The following GRM5 variants were observed in gnomAD, a reference collection of about 807,000 sequenced individuals.
GRM5 encodes the protein glutamate metabotropic receptor 5.
Under a neutral mutation model 83.1 loss-of-function variants are expected in GRM5, and 19 were observed. That is an observed-to-expected ratio of 0.23 (90% CI 0.16 to 0.34). GRM5 has a LOEUF of 0.34. GRM5 is among the 10% of genes least tolerant of loss of function. The pLI, the probability that GRM5 is intolerant of heterozygous loss-of-function variation, is 1.00. For synonymous variants in GRM5, 675 were observed against 633.6 expected, an observed-to-expected ratio of 1.07 and a Z score of -0.98; for missense variants, 1,160 against 1,588.3, an observed-to-expected ratio of 0.73 and a Z score of 4.58.
rs568242141 is a variant in GRM5 at position 88,908,224 on chromosome 11, C to T, written c.662-58069G>A. ...TTGTCAACTTTGTCCATCTTGCAAA[C>T]CTACTCTCCCCTGTCTTCTACCTAG... On this transcript the variant is annotated intron_variant, in intron 2 of 9. Transcript: ENST00000305447. Among the ~76,000 whole-genome samples the T allele has an allele frequency of 5.0e-4, 76 of 152,162 alleles. 2 individuals carry two copies. In the Middle Eastern group the frequency reaches 0.01, roughly 20 times the overall value.
rs1205990066 is a variant in GRM5 at position 88,849,927 on chromosome 11, C to T, written c.890G>A (p.Gly297Glu). Residue 297 changes from glycine to glutamate, a missense_variant, in exon 3 of 10, where the codon GGA (glycine) becomes GAA (glutamate). Physicochemically the swap from Gly to Glu is moderately conservative, Grantham distance 98 (BLOSUM62 -2). Coordinates refer to ENST00000305447, the MANE Select transcript of GRM5 (RefSeq NM_001143831.3). ...TCACCTGCCCAGAAGCAGAAATTCT[C>T]CCGCTAGACCCAGGCGCCTCATGGC... ...LMAMRRLGLAGEFLLLGSDGW... is the reference protein window; with the variant it reads ...LMAMRRLGLAEEFLLLGSDGW... The T allele has an allele frequency of 2.5e-6, 4 of 1,614,114 alleles. No homozygotes were observed. The highest frequency in any genetic ancestry group is 3.4e-6 in the Non-Finnish European group (4 of 1,179,980).
chr11:88,845,457 A>G (rs1944285986), intron 3 of GRM5, among the ~76,000 whole-genome samples: 2 of 64,846 alleles, frequency 3.1e-5, no homozygotes, highest in South Asian at 1.9e-3. Flanking sequence ...TTTTTGAGAC[A>G]GAGTCTCGCT....
chr11:88,593,356 ATAT>A (rs1320129348), intron 6 of GRM5, among the ~76,000 whole-genome samples: 2 of 152,022 alleles, frequency 1.3e-5, no homozygotes, highest in Admixed American at 6.6e-5. Flanking sequence ...GACTAAGCAA[ATAT>A]TATTACAAAA....
intron 7 of GRM5, among the ~76,000 whole-genome samples, chr11:88,586,985 T>C (rs1943328376): frequency 6.6e-6 from 1 of 152,214 alleles, no homozygotes; most frequent in African/African-American, 2.4e-5. Flanking sequence ...TGTAACACTC[T>C]CCATCATTTT....
chr11:88,701,763 G>A lies in GRM5; in HGVS notation c.912-48360C>T, dbSNP rs1941041761. On this transcript the variant is annotated intron_variant, in intron 3 of 9. Coordinates refer to ENST00000305447, the MANE Select transcript of GRM5 (RefSeq NM_001143831.3). ...AAATGCGTTCTTTAATTTGCAATTAGTTACAGGAGTAAAACTTTTCTAAAA... is the reference window on the plus strand; with the variant it reads ...AAATGCGTTCTTTAATTTGCAATTAATTACAGGAGTAAAACTTTTCTAAAA... Among the ~76,000 whole-genome samples the A allele has an allele frequency of 2.0e-5, 3 of 152,112 alleles. No homozygotes were observed. In the South Asian group the frequency reaches 6.2e-4, roughly 32 times the overall value.
chr11:88,733,461 C>T (rs1324113388), intron 3 of GRM5, among the ~76,000 whole-genome samples: 3 of 151,840 alleles, frequency 2.0e-5, no homozygotes, highest in Non-Finnish European at 4.4e-5. Flanking sequence ...GGGATGGAAC[C>T]CACGTTCCGG....
intron 8 of GRM5, among the ~76,000 whole-genome samples, chr11:88,565,684 G>T (rs1361893485): frequency 6.6e-6 from 1 of 152,218 alleles, no homozygotes; most frequent in Non-Finnish European, 1.5e-5. Context: ...AGGCCAGCAG[G>T]TTAGATATAT....
intron 3 of GRM5, among the ~76,000 whole-genome samples, chr11:88,654,567 AG>A (rs1939719459): frequency 6.6e-6 from 1 of 152,094 alleles, no homozygotes. Flanking sequence ...GAGAGATTTA[AG>A]GGGAAGAACA....
At chr11:88,910,354 G>C (rs1236415311) in intron 2 of GRM5, among the ~76,000 whole-genome samples, 4 of 151,958 alleles carry the variant, frequency 2.6e-5, no homozygotes, top group Non-Finnish European at 5.9e-5. Context: ...GCTATCATAA[G>C]TAATGTTTTT....
At chr11:88,716,884 TA>T (rs772562810) in intron 3 of GRM5, among the ~76,000 whole-genome samples, 4 of 151,970 alleles carry the variant, frequency 2.6e-5, no homozygotes, top group Non-Finnish European at 5.9e-5. Flanking sequence ...TTAGTGACCA[TA>T]AATTCACTCA....
intron 2 of GRM5, among the ~76,000 whole-genome samples, chr11:88,975,168 A>G (rs1939293129): frequency 6.6e-6 from 1 of 152,222 alleles, no homozygotes. Flanking sequence ...AAGCTTGTGA[A>G]TAGATAAAAT....
chr11:88,553,072 C>A (rs1293908727), intron 8 of GRM5, among the ~76,000 whole-genome samples: 1 of 152,138 alleles, frequency 6.6e-6, no homozygotes, highest in Non-Finnish European at 1.5e-5. Flanking sequence ...TCAATTTGCT[C>A]AGTTTTTCTC....
intron 7 of GRM5, among the ~76,000 whole-genome samples, chr11:88,587,909 T>C (rs1313783422): frequency 6.6e-6 from 1 of 152,208 alleles, no homozygotes; most frequent in East Asian, 1.9e-4. Context: ...CCTTTCCCTA[T>C]GTAAAACTTA....
At chr11:88,691,935 G>T (rs1940789918) in intron 3 of GRM5, among the ~76,000 whole-genome samples, 1 of 152,184 alleles carries the variant, frequency 6.6e-6, no homozygotes, top group Non-Finnish European at 1.5e-5. Flanking sequence ...CAACAGGAAA[G>T]TCCGAAATAC....
At chr11:88,676,292 T>C (rs997577108) in intron 3 of GRM5, among the ~76,000 whole-genome samples, 4 of 152,034 alleles carry the variant, frequency 2.6e-5, no homozygotes, top group Non-Finnish European at 5.9e-5. Context: ...GGACATTATT[T>C]ATTCAGTTTC....
intron 3 of GRM5, among the ~76,000 whole-genome samples, chr11:88,772,696 G>A (rs557322026): frequency 2.0e-5 from 3 of 152,122 alleles, no homozygotes; most frequent in East Asian, 3.9e-4. Flanking sequence ...GAGAACATGC[G>A]GTGTTTGGTT....
At chr11:88,916,519 C>T (rs900062564) in intron 2 of GRM5, among the ~76,000 whole-genome samples, 1 of 152,086 alleles carries the variant, frequency 6.6e-6, no homozygotes, top group Non-Finnish European at 1.5e-5. Flanking sequence ...GAACCTGAGC[C>T]ATGGCTAGCA....
intron 8 of GRM5, among the ~76,000 whole-genome samples, chr11:88,526,702 A>C (rs1489336872): frequency 6.6e-6 from 1 of 151,760 alleles, no homozygotes; most frequent in Non-Finnish European, 1.5e-5. Context: ...ATCATTATTG[A>C]TCCTGGGGCA....
intron 3 of GRM5, among the ~76,000 whole-genome samples, chr11:88,700,350 A>T (rs902749897): frequency 6.6e-6 from 1 of 152,080 alleles, no homozygotes; most frequent in African/African-American, 2.4e-5. Context: ...TGATGGGCTC[A>T]AGAAGAGAGT....
Sources: gnomAD v4.1 joint callset for allele counts (sites outside exome capture counted in the v4.1 genomes callset) on GRCh38, gnomAD v4.1.1 for gene constraint, MANE v1.5 for transcripts, NCBI Gene and HGNC (gene_info 2026-07-23, HGNC 2026-07-21) for gene names.